The following GGNBP2 variants were observed in gnomAD, a reference collection of about 807,000 sequenced individuals.
The protein encoded by GGNBP2 is gametogenetin-binding protein 2.
GGNBP2 carries 10 observed loss-of-function variants against 85.9 expected under a neutral mutation model. That is an observed-to-expected ratio of 0.12 (90% CI 0.07 to 0.20). The LOEUF is 0.20. Ranked by LOEUF, GGNBP2 falls within the 10% of genes least tolerant of loss-of-function variation. The pLI is 1.00. For synonymous variants in GGNBP2, 287 were observed against 285.7 expected (o/e 1.00, Z -0.05); for missense variants, 595 against 857.8 (o/e 0.69, Z 3.83).
chr17:36,551,386 TACAG>T (rs1481221105), intron 2 of GGNBP2, among the ~76,000 whole-genome samples: 1 of 151,970 alleles, frequency 6.6e-6, no homozygotes, highest in Non-Finnish European at 1.5e-5. Context: ...GTATTTTTAG[TACAG>T]ACAGGGTTTC....
intron 13 of GGNBP2, among the ~76,000 whole-genome samples, chr17:36,588,119 T>C (rs1365025498): frequency 6.6e-6 from 1 of 152,196 alleles, no homozygotes; most frequent in Non-Finnish European, 1.5e-5. Flanking sequence ...AGGGTAAGAC[T>C]CCAGTCCTGA....
At chr17:36,578,308 C>T (rs1413423301) in intron 7 of GGNBP2, 122 bp downstream of exon 7, 1 of 720,174 alleles carries the variant, frequency 1.4e-6, no homozygotes, top group Non-Finnish European at 2.2e-6. Context: ...TAAAGTATGC[C>T]TGTAAAGATT....
chr17:36,578,812 G>A (rs763271629), intron 7 of GGNBP2: 20 of 157,454 alleles, frequency 1.3e-4, no homozygotes, highest in Non-Finnish European at 2.4e-4. Context: ...CACTTGTAAA[G>A]ACTGGCCTGG....
intron 2 of GGNBP2, among the ~76,000 whole-genome samples, chr17:36,551,516 A>G (rs1700348813): frequency 6.6e-6 from 1 of 151,768 alleles, no homozygotes; most frequent in East Asian, 1.9e-4. Context: ...GACTTCTTAG[A>G]AAGAATTCCT....
intron 2 of GGNBP2, among the ~76,000 whole-genome samples, chr17:36,549,853 C>G (rs779523124): frequency 1.3e-5 from 2 of 151,922 alleles, no homozygotes; most frequent in Non-Finnish European, 2.9e-5. Context: ...TTTTCTCAGG[C>G]TTTTGGAAGT....
chr17:36,555,124 A>C (rs556465923), intron 3 of GGNBP2, among the ~76,000 whole-genome samples: 1 of 152,330 alleles, frequency 6.6e-6, no homozygotes, highest in Admixed American at 6.5e-5. Context: ...TTACATGTCC[A>C]TAAGACTTTA....
chr17:36,571,687 A>G (rs1449926953), intron 6 of GGNBP2, among the ~76,000 whole-genome samples: 2 of 151,778 alleles, frequency 1.3e-5, no homozygotes, highest in Admixed American at 1.3e-4. Flanking sequence ...TAAAAAATAC[A>G]AAAAATTTAG....
intron 2 of GGNBP2, among the ~76,000 whole-genome samples, chr17:36,551,232 G>A (rs1181230161): frequency 6.7e-6 from 1 of 149,920 alleles, no homozygotes; most frequent in Non-Finnish European, 1.5e-5. Context: ...TTGAGACCGA[G>A]TTTTGCTCTT....
chr17:36,571,423 G>GT (rs1316945498), intron 6 of GGNBP2, among the ~76,000 whole-genome samples: 1 of 151,802 alleles, frequency 6.6e-6, no homozygotes, highest in Non-Finnish European at 1.5e-5. Flanking sequence ...GGTGGCGTGT[G>GT]CCTGTAATCC....
Position 36,565,695 on chromosome 17 carries a change from C to T in GGNBP2, c.528-1968C>T, listed in dbSNP as rs573356945. Among the ~76,000 whole-genome samples the T allele has an allele frequency of 3.3e-5, 5 of 152,098 alleles. No individual in the cohort carries two copies. The South Asian group carries it at 6.2e-4, about 19-fold the overall frequency. ...GGCAGATCACGAGGTCAGGAGTTCG[C>T]GACCAGCCTGGCCAATATGGCGAAA... is the stretch of plus-strand genomic sequence containing the variant. On this transcript the variant is annotated intron_variant, in intron 5 of 13. Coordinates refer to ENST00000613102, the MANE Select transcript of GGNBP2 (RefSeq NM_024835.5).
chr17:36,554,144 A>G (rs2074337212), intron 2 of GGNBP2, among the ~76,000 whole-genome samples: 2 of 151,622 alleles, frequency 1.3e-5, no homozygotes, highest in African/African-American at 4.8e-5. Flanking sequence ...ACCCATCTCT[A>G]CTAAAAATAC....
intron 6 of GGNBP2, among the ~76,000 whole-genome samples, chr17:36,571,187 C>A (rs955899126): frequency 3.2e-4 from 48 of 152,144 alleles, no homozygotes; most frequent in Non-Finnish European, 5.6e-4. Context: ...AATTCCAACA[C>A]TTTGGGAAGC....
rs868185183 is a variant in GGNBP2, at chr17:36,551,594, A to G, written c.94-3226A>G. ...CGCGGTGGCTCATGCCTGTAATCCC[A>G]GCACTTTTGGAGGCCTCGGAGAGTG... is the stretch of plus-strand genomic sequence containing the variant. On this transcript the variant is annotated intron_variant, in intron 2 of 13. Coordinates refer to ENST00000613102, the MANE Select transcript of GGNBP2 (RefSeq NM_024835.5). 2.6e-5 allele frequency among the ~76,000 whole-genome samples: 4 copies of G among 151,934 alleles called. No homozygotes were observed. In the Middle Eastern group the frequency reaches 0.014, roughly 517 times the overall value.
chr17:36,557,041 T>G (rs2074369159), intron 3 of GGNBP2, 42 bp from the exon 4 acceptor site: 1 of 1,610,260 alleles, frequency 6.2e-7, no homozygotes, highest in East Asian at 2.2e-5. Context: ...TAATTTTACG[T>G]CTTTTTAAAG....
intron 13 of GGNBP2, among the ~76,000 whole-genome samples, chr17:36,588,557 G>GT (rs889191164): frequency 6.6e-6 from 1 of 151,034 alleles, no homozygotes; most frequent in Non-Finnish European, 1.5e-5. Context: ...CGCCCAGCTA[G>GT]TTTTTTTCTT....
At chr17:36,587,387 G>T in intron 13 of GGNBP2, 142 bp downstream of exon 13, 9 of 895,310 alleles carry the variant, frequency 1.0e-5, no homozygotes. Flanking sequence ...ATTGTTTGGG[G>T]ACTTCATTTC....
intron 8 of GGNBP2, among the ~76,000 whole-genome samples, chr17:36,581,078 A>T (rs956514894): frequency 2.6e-5 from 4 of 151,736 alleles, no homozygotes; most frequent in Non-Finnish European, 5.9e-5. Flanking sequence ...AGGTCAGGAG[A>T]TCGAGACCAT....
At chr17:36,566,571 C>G (rs767180869) in intron 5 of GGNBP2, among the ~76,000 whole-genome samples, 1 of 151,536 alleles carries the variant, frequency 6.6e-6, no homozygotes, top group East Asian at 1.9e-4. Context: ...CCTAGCTATT[C>G]GGGAGGCTGA....
chr17:36,569,597 G>A lies in GGNBP2; in HGVS notation c.641+1821G>A, dbSNP rs118089180. Reference sequence around the variant, plus strand: ...AAAAACTGGTGTCATTACTTTATGTGGCAGTAAGCTAATGACTTCGCCCGC... The same window carrying A: ...AAAAACTGGTGTCATTACTTTATGTAGCAGTAAGCTAATGACTTCGCCCGC... On this transcript the variant is annotated intron_variant, in intron 6 of 13. Coordinates refer to ENST00000613102, the MANE Select transcript of GGNBP2 (RefSeq NM_024835.5). Among the ~76,000 whole-genome samples the A allele has an allele frequency of 5.8e-3, 886 of 152,268 alleles. 3 individuals carry two copies. Among genetic ancestry groups the A allele is most frequent in the Non-Finnish European group, 9.4e-3 (642 of 68,024 alleles).
Sources: gnomAD v4.1 joint callset for allele counts (sites outside exome capture counted in the v4.1 genomes callset) on GRCh38, gnomAD v4.1.1 for gene constraint, MANE v1.5 for transcripts, NCBI Gene and HGNC (gene_info 2026-07-23, HGNC 2026-07-21) for gene names.